The following AKAP11 variants were observed in gnomAD, a reference collection of about 807,000 sequenced individuals.
The protein encoded by AKAP11 is A-kinase anchor protein 11.
AKAP11 carries 36 observed loss-of-function variants against 146.1 expected under a neutral mutation model. That is an observed-to-expected ratio of 0.25 (90% confidence interval 0.19 to 0.33). The LOEUF is 0.33. AKAP11 is among the 10% of genes least tolerant of loss of function. AKAP11 has a pLI of 1.00. For missense variants in AKAP11, 2,201 were observed against 2,197.0 expected, an observed-to-expected ratio of 1.00 and a Z score of -0.04; for synonymous variants, 780 against 786.5, an observed-to-expected ratio of 0.99 and a Z score of 0.14.
At chr13:42,278,839 G>T (rs144190240) in intron 1 of AKAP11, among the ~76,000 whole-genome samples, 1 of 151,764 alleles carries the variant, frequency 6.6e-6, no homozygotes, top group East Asian at 1.9e-4. Flanking sequence ...TGGTCAACTG[G>T]TGGTGAATTT....
chr13:42,302,422 C>G lies in AKAP11; in HGVS notation c.3676C>G (p.Pro1226Ala). ...TTTAGATAACAAAATAATTCAAGAA[C>G]CCAAGGTTAAAAACCCTTGCTTAAA... ...SHLDNKIIQEPKVKNPCLNVQ... is the reference protein window; with the variant it reads ...SHLDNKIIQEAKVKNPCLNVQ... The change falls in exon 8 of 13, where the codon CCC (proline) becomes GCC (alanine). Residue 1226 changes from proline (P) to alanine (A), a missense_variant. Physicochemically the swap from Pro to Ala is conservative, Grantham distance 27. Coordinates refer to ENST00000025301, the MANE Select transcript of AKAP11 (RefSeq NM_016248.4). 6.2e-7 allele frequency: 1 copy of G among 1,614,126 alleles called. No homozygotes were observed. Among genetic ancestry groups the G allele is most frequent in the Non-Finnish European group, 8.5e-7 (1 of 1,180,004 alleles).
chr13:42,308,969 G>A (rs1265324594), intron 9 of AKAP11, among the ~76,000 whole-genome samples: 1 of 151,774 alleles, frequency 6.6e-6, no homozygotes, highest in African/African-American at 2.4e-5. Flanking sequence ...ACAGGTATCT[G>A]TAAAAGGCAT....
rs1488254197 is a variant in AKAP11, at chr13:42,301,561, G to A, written c.2815G>A (p.Ala939Thr). 2.5e-6 allele frequency: 4 copies of A among 1,614,112 alleles called. No homozygotes were observed. The highest frequency in any genetic ancestry group is 3.3e-4 in the Middle Eastern group (2 of 6,062). Residue 939 changes from alanine (A) to threonine (T), a missense_variant, in exon 8 of 13, where the codon GCT becomes ACT. By Grantham distance (58) the Ala-to-Thr change is moderately conservative. Around this residue, in one of 3 missense-constraint regions of AKAP11, gnomAD observed 1,867 missense variants for 1,833.5 expected, o/e 1.02. Coordinates refer to ENST00000025301, the MANE Select transcript of AKAP11 (RefSeq NM_016248.4). ...SEASSNKDMFADRLSKSIIKH... is the reference protein window; with the variant it reads ...SEASSNKDMFTDRLSKSIIKH... ...AGCTAGTAGCAATAAGGACATGTTT[G>A]CTGACCGGTTATCTAAATCTATTAT...
In AKAP11 at chr13:42,319,122, T is replaced by A. The variant is rs1448519907; in HGVS notation, c.5600T>A (p.Val1867Glu). 2 of 1,613,884 alleles carry A rather than the reference T, an allele frequency of 1.2e-6. No individual in the cohort carries two copies. The highest frequency in any genetic ancestry group is 2.7e-5 in the African/African-American group (2 of 74,920). The change falls in exon 13 of 13, where the codon GTG (valine) becomes GAG (glutamate). Residue 1867 changes from valine (V) to glutamate (E), a missense_variant. Transcript: ENST00000025301. ...SKQLQEKGWK[V>E]GDLLQAVLQY... ...CAATTACAAGAGAAAGGATGGAAAG[T>A]GGGAGACCTCCTGCAGGCTGTGCTT...
At chr13:42,294,512 C>T (rs999758958) in intron 4 of AKAP11, among the ~76,000 whole-genome samples, 23 of 152,082 alleles carry the variant, frequency 1.5e-4, no homozygotes, top group African/African-American at 4.6e-4. Context: ...AAGTGATTCT[C>T]CTGTCTCAGC....
At chr13:42,279,216 T>TG (rs35094684) in intron 1 of AKAP11, among the ~76,000 whole-genome samples, 3 of 151,750 alleles carry the variant, frequency 2.0e-5, no homozygotes, top group Non-Finnish European at 4.4e-5. Context: ...TGTCTTCAAA[T>TG]TTTTTTTTCT....
rs985825883 is a variant in AKAP11, at chr13:42,320,027, T to C, written c.*799T>C. 6.6e-6 allele frequency: 1 copy of C among 152,382 alleles called. No homozygotes were observed. The highest frequency in any genetic ancestry group is 2.4e-5 in the African/African-American group (1 of 41,364). The allele number at this position is 152,382 out of a possible 1,614,324, so 9.4% of individuals were successfully genotyped here. ...TCTTTTTAGAAACCCACTGTTAAAATTTAAAAAGGTGCTTTAAAATAAAAC... is the reference window on the plus strand; with the variant it reads ...TCTTTTTAGAAACCCACTGTTAAAACTTAAAAAGGTGCTTTAAAATAAAAC... On this transcript the variant is annotated 3_prime_UTR_variant, in exon 13 of 13. Coordinates refer to ENST00000025301, the MANE Select transcript of AKAP11 (RefSeq NM_016248.4).
At chr13:42,308,723 C>T in intron 9 of AKAP11, 114 bp downstream of exon 9, 3 of 811,222 alleles carry the variant, frequency 3.7e-6, no homozygotes, top group Non-Finnish European at 5.3e-6. Flanking sequence ...CTATTACTTT[C>T]AAAATGTATT....
rs1292156190 is a variant in AKAP11, at chr13:42,301,232, A to C, written c.2486A>C (p.Lys829Thr). 3.1e-5 allele frequency: 50 copies of C among 1,613,892 alleles called. 1 individual carries two copies. Among genetic ancestry groups the C allele is most frequent in the Non-Finnish European group, 4.2e-5 (49 of 1,179,964 alleles). The change falls in exon 8 of 13, where the codon AAA becomes ACA. Residue 829 changes from lysine (K) to threonine (T), a missense_variant. Lys to Thr is a moderately conservative substitution (Grantham distance 78). Transcript: ENST00000025301. Reference protein sequence around the residue: ...VHIATKNREEKAACLRNICLP... With the variant: ...VHIATKNREETAACLRNICLP... ...ATTGCCACAAAAAACAGAGAAGAAA[A>C]AGCAGCTTGTCTCAGAAATATTTGT...
At chr13:42,317,838 T>C (rs1318604482) in intron 12 of AKAP11, 150 bp downstream of exon 12, 1 of 834,436 alleles carries the variant, frequency 1.2e-6, no homozygotes, top group Non-Finnish European at 1.8e-6. Context: ...TCTGCCACTT[T>C]CTAGCAGTAT....
In AKAP11 at chr13:42,317,565, T is replaced by C. The variant is rs1960880512; in HGVS notation, c.5442T>C (p.Asn1814=). The C allele has an allele frequency of 2.5e-6, 4 of 1,613,956 alleles. No homozygotes were observed. The highest frequency in any genetic ancestry group is 3.4e-6 in the Non-Finnish European group (4 of 1,179,992). ...ATGGAAAGACACTGCTAATTACGAA[T>C]ATTGACATGGAGCCATGCACGGTAG... ...GQDGKTLLIT[N]IDMEPCTVDP... Residue 1814 remains asparagine, a synonymous_variant, in exon 12 of 13, where the codon AAT becomes AAC. Coordinates refer to ENST00000025301, the MANE Select transcript of AKAP11 (RefSeq NM_016248.4).
In AKAP11 at chr13:42,278,931, C is replaced by CT. The variant is rs201895105; in HGVS notation, c.-100+6715dup. ...TTCATTGAGTATATCTGGGTTGATG[C>CT]TTTTTTTTTTTTCTTCTTCTTAGTA... On this transcript the variant is annotated intron_variant, in intron 1 of 12. Coordinates refer to ENST00000025301, the MANE Select transcript of AKAP11 (RefSeq NM_016248.4). Among the ~76,000 whole-genome samples, 967 of 141,756 alleles carry CT rather than the reference C, an allele frequency of 6.8e-3. 5 individuals are homozygous for CT. The highest frequency in any genetic ancestry group is 0.019 in the African/African-American group (759 of 39,042). The allele number at this position is 141,756 out of a possible 152,430, so 93.0% of individuals were successfully genotyped here.
At chr13:42,319,036 C>T in intron 12 of AKAP11, 52 bp from the exon 13 acceptor site, 6 of 1,546,458 alleles carry the variant, frequency 3.9e-6, no homozygotes, top group Non-Finnish European at 5.3e-6. Flanking sequence ...AAAATAAAAG[C>T]TTTGTTATAA....
At chr13:42,299,067 G>T (rs538731687) in intron 7 of AKAP11, among the ~76,000 whole-genome samples, 9 of 152,196 alleles carry the variant, frequency 5.9e-5, no homozygotes, top group South Asian at 2.1e-4. Context: ...ACATTCCTAG[G>T]TTCCAATTTT....
intron 1 of AKAP11, among the ~76,000 whole-genome samples, chr13:42,274,837 A>G (rs890322547): frequency 6.6e-6 from 1 of 152,016 alleles, no homozygotes; most frequent in African/African-American, 2.4e-5. Flanking sequence ...AACAGAGAGG[A>G]TGTTACTTGA....
chr13:42,272,527 C>T (rs561715597), intron 1 of AKAP11, among the ~76,000 whole-genome samples: 8 of 152,286 alleles, frequency 5.3e-5, no homozygotes, highest in African/African-American at 1.9e-4. Context: ...GAGCTGCCGC[C>T]CCTTTTAATG....
chr13:42,282,160 G>A (rs1283809162), intron 1 of AKAP11, among the ~76,000 whole-genome samples: 1 of 151,682 alleles, frequency 6.6e-6, no homozygotes, highest in Non-Finnish European at 1.5e-5. Context: ...GTAGAGTCTG[G>A]GTTTTGCCAT....
At chr13:42,277,468 T>C (rs1958951361) in intron 1 of AKAP11, among the ~76,000 whole-genome samples, 2 of 152,220 alleles carry the variant, frequency 1.3e-5, no homozygotes, top group South Asian at 2.1e-4. Flanking sequence ...ACCCATGTTA[T>C]TCCTTTCAAT....
At chr13:42,292,028 C>G (rs775345178) in intron 3 of AKAP11, among the ~76,000 whole-genome samples, 2 of 152,214 alleles carry the variant, frequency 1.3e-5, no homozygotes, top group Non-Finnish European at 2.9e-5. Context: ...CTCATTCAAT[C>G]ATATAAATTG....
Sources: allele counts gnomAD v4.1 joint callset (sites outside exome capture counted in the v4.1 genomes callset), GRCh38; gene constraint gnomAD v4.1.1; regional missense constraint gnomAD v4.1.1; transcripts MANE v1.5; gene names NCBI Gene and HGNC (gene_info 2026-07-23, HGNC 2026-07-21).